The following SLC9C2 variants were observed in gnomAD, a reference collection of about 807,000 sequenced individuals.
SLC9C2 encodes the protein solute carrier family 9 member C2 (putative).
A neutral mutation model predicts 140.2 loss-of-function variants in SLC9C2; 75 were observed. The ratio of observed to expected loss-of-function variants is 0.53; its 90% CI spans 0.44 to 0.65. The LOEUF (loss-of-function observed/expected upper bound fraction) is 0.65. Ranked by LOEUF, SLC9C2 falls within the 30% of genes least tolerant of loss-of-function variation. The pLI is 0.00. For missense variants in SLC9C2, 1,074 were observed against 1,331.8 expected (o/e 0.81, Z 3.01); for synonymous variants, 375 against 420.9 (o/e 0.89, Z 1.34).
intron 11 of SLC9C2, among the ~76,000 whole-genome samples, chr1:173,550,721 G>A (rs1345316813): frequency 1.3e-5 from 2 of 151,586 alleles, no homozygotes; most frequent in East Asian, 3.9e-4. Context: ...ACAGGCGTGA[G>A]CCACCACGCC....
rs12027451 is a variant in SLC9C2 at position 173,505,584 on chromosome 1, T to C, written c.3226-253A>G. The stretch of plus-strand genomic sequence containing the variant: ...CATAACTAGGCTGGAAATTCCCAGT[T>C]TGGAAAGCAGGGAATCCCCAGCATC... On this transcript the variant is annotated intron_variant, in intron 25 of 27. Transcript: ENST00000367714. Among the ~76,000 whole-genome samples, 29,884 of 152,076 alleles carry C rather than the reference T, an allele frequency of 0.2. 4,229 individuals carry two copies. Among genetic ancestry groups the C allele is most frequent in the East Asian group, 0.64 (3,331 of 5,166 alleles).
intron 19 of SLC9C2, 64 bp downstream of exon 19, chr1:173,526,599 T>C (rs1661214503): frequency 4.5e-6 from 6 of 1,343,214 alleles, no homozygotes; most frequent in African/African-American, 1.5e-5. Flanking sequence ...GAATTGTTCT[T>C]CTTTTATTAA....
intron 4 of SLC9C2, among the ~76,000 whole-genome samples, chr1:173,588,664 G>A (rs1420460121): frequency 6.6e-6 from 1 of 151,954 alleles, no homozygotes; most frequent in Non-Finnish European, 1.5e-5. Flanking sequence ...ATATATTTGT[G>A]CCAAAATTTG....
chr1:173,590,944 G>T (rs1296121311), intron 4 of SLC9C2, among the ~76,000 whole-genome samples: 1 of 152,162 alleles, frequency 6.6e-6, no homozygotes, highest in African/African-American at 2.4e-5. Flanking sequence ...GTGTAGGGTT[G>T]TTATACAGGT....
intron 25 of SLC9C2, 34 bp downstream of exon 25, chr1:173,506,822 G>A: frequency 6.4e-7 from 1 of 1,567,626 alleles, no homozygotes; most frequent in South Asian, 1.2e-5. Context: ...GCACCGTGAA[G>A]AGCAAGAGAC....
intron 9 of SLC9C2, among the ~76,000 whole-genome samples, chr1:173,567,059 C>G (rs551549169): frequency 5.9e-5 from 9 of 151,892 alleles, no homozygotes; most frequent in Non-Finnish European, 1.3e-4. Flanking sequence ...CTTTTTTGAA[C>G]CTTTTAAGAC....
chr1:173,525,492 C>T (rs1324167036), intron 19 of SLC9C2, among the ~76,000 whole-genome samples: 4 of 152,148 alleles, frequency 2.6e-5, no homozygotes, highest in Admixed American at 2.6e-4. Context: ...ATGAATTGAC[C>T]ACTAAAGTGA....
intron 8 of SLC9C2, among the ~76,000 whole-genome samples, chr1:173,575,099 G>A (rs1665092901): frequency 6.6e-6 from 1 of 152,064 alleles, no homozygotes; most frequent in South Asian, 2.1e-4. Context: ...CAGCCTGGAA[G>A]GCAAAGCAAG....
chr1:173,509,570 C>T lies in SLC9C2; in HGVS notation c.3037G>A (p.Glu1013Lys), dbSNP rs767192045. The change falls in exon 24 of 28, where the codon GAG (glutamate) becomes AAG (lysine). Residue 1013 changes from glutamate to lysine, a missense_variant and splice_region_variant. Coordinates refer to ENST00000367714, the MANE Select transcript of SLC9C2 (RefSeq NM_178527.4). ...YQYFESSLID[E>K]DLRFQNCVMF... Reference sequence around the variant, plus strand: ...AATATTTTAATCACATAACTTACCTCATCAATAAGACTTGATTCAAAATAC... The same window carrying T: ...AATATTTTAATCACATAACTTACCTTATCAATAAGACTTGATTCAAAATAC... 1 of 1,542,260 alleles carries T rather than the reference C, an allele frequency of 6.5e-7. No individual in the cohort carries two copies. Among genetic ancestry groups the T allele is most frequent in the Non-Finnish European group, 8.7e-7 (1 of 1,148,208 alleles).
chr1:173,583,688 C>G (rs554303716), intron 5 of SLC9C2, 66 bp from the exon 6 acceptor site: 343 of 811,982 alleles, frequency 4.2e-4, no homozygotes, highest in Admixed American at 7.1e-4. Flanking sequence ...GCACAGGAAG[C>G]AGAAACAGAA....
At position 173,529,324 on chromosome 1, in the gene SLC9C2, C is replaced by G. The variant is rs111858536; in HGVS notation, c.2313+581G>C. ...ACGTTCCACTTTCCCCACTCTTTTG[C>G]GAGTGACTGGTAATAGACAGACTGG... On this transcript the variant is annotated intron_variant, in intron 18 of 27. Coordinates refer to ENST00000367714, the MANE Select transcript of SLC9C2 (RefSeq NM_178527.4). Among the ~76,000 whole-genome samples, 7 of 152,182 alleles carry G rather than the reference C, an allele frequency of 4.6e-5. 1 individual carries two copies. The highest frequency in any genetic ancestry group is 1.7e-4 in the African/African-American group (7 of 41,518).
intron 11 of SLC9C2, among the ~76,000 whole-genome samples, chr1:173,552,050 A>G (rs1269549445): frequency 2.0e-5 from 3 of 152,246 alleles, no homozygotes; most frequent in African/African-American, 7.2e-5. Flanking sequence ...TATTGCTGAT[A>G]TGGAGAAAGA....
rs570407741 is a variant in SLC9C2 at position 173,517,999 on chromosome 1, G to A, written c.2740-295C>T. Reference sequence around the variant, plus strand: ...ACCAGGGCTGGGCGCAGTGGCTCACGCCTGTAATCCCAGCACTTTGGGAGG... The same window carrying A: ...ACCAGGGCTGGGCGCAGTGGCTCACACCTGTAATCCCAGCACTTTGGGAGG... On this transcript the variant is annotated intron_variant, in intron 22 of 27. Coordinates refer to ENST00000367714, the MANE Select transcript of SLC9C2 (RefSeq NM_178527.4). Among the ~76,000 whole-genome samples the A allele has an allele frequency of 7.9e-5, 12 of 152,090 alleles. 1 individual carries two copies. Among genetic ancestry groups the A allele is most frequent in the South Asian group, 4.1e-4 (2 of 4,830 alleles).
At chr1:173,549,971 A>G (rs996339679) in intron 11 of SLC9C2, among the ~76,000 whole-genome samples, 42 of 152,352 alleles carry the variant, frequency 2.8e-4, no homozygotes, top group Admixed American at 4.6e-4. Flanking sequence ...AAGAGAGTCA[A>G]CTGGGTCAGG....
chr1:173,520,926 G>C (rs919457004), intron 22 of SLC9C2, among the ~76,000 whole-genome samples: 6 of 151,798 alleles, frequency 4.0e-5, no homozygotes, highest in African/African-American at 1.5e-4. Flanking sequence ...CTCTCTCTCT[G>C]TCTCTCTCTC....
intron 13 of SLC9C2, among the ~76,000 whole-genome samples, chr1:173,547,362 T>A (rs544118428): frequency 3.3e-5 from 5 of 151,374 alleles, no homozygotes; most frequent in South Asian, 4.2e-4. Context: ...CTCAGATATG[T>A]TAAATTTATA....
chr1:173,524,813 A>G lies in SLC9C2; in HGVS notation c.2480T>C (p.Ile827Thr). 6.2e-7 allele frequency: 1 copy of G among 1,614,072 alleles called. No individual in the cohort carries two copies. Among genetic ancestry groups the G allele is most frequent in the South Asian group, 1.1e-5 (1 of 91,076 alleles). The change falls in exon 20 of 28, where the codon ATT becomes ACT. Residue 827 changes from isoleucine (I) to threonine (T), a missense_variant. By Grantham distance (89) the Ile-to-Thr change is moderately conservative. Transcript: ENST00000367714. ...CTCAATGACTTCATGCTTATCAATA[A>G]TGCCTCTTGAACAAAGGAAGGTGAG... ...KNLTFLCSRG[I>T]IDKHEVIEIN...
chr1:173,578,122 C>G (rs548769112), intron 7 of SLC9C2, among the ~76,000 whole-genome samples: 1 of 152,152 alleles, frequency 6.6e-6, no homozygotes, highest in African/African-American at 2.4e-5. Context: ...ATCTCCATTC[C>G]CCCAAAATTC....
chr1:173,509,393 T>C (rs1659877918), intron 24 of SLC9C2, among the ~76,000 whole-genome samples, 175 bp downstream of exon 24: 1 of 150,946 alleles, frequency 6.6e-6, no homozygotes, highest in Non-Finnish European at 1.5e-5. Context: ...TGTAGTGAGC[T>C]GAGACTGCAC....
Sources: allele counts gnomAD v4.1 joint callset (sites outside exome capture counted in the v4.1 genomes callset), GRCh38; gene constraint gnomAD v4.1.1; transcripts MANE v1.5; gene names NCBI Gene and HGNC (gene_info 2026-07-23, HGNC 2026-07-21).